The following SHISAL1 variants were observed in gnomAD, a reference collection of about 807,000 sequenced individuals.
The protein encoded by SHISAL1 is shisa like 1.
A neutral mutation model predicts 22.6 loss-of-function variants in SHISAL1; 9 were observed. The ratio of observed to expected loss-of-function variants is 0.40; its 90% CI spans 0.24 to 0.70. The LOEUF is 0.70. Ranked by LOEUF, SHISAL1 falls within the 30% of genes least tolerant of loss-of-function variation. The probability of loss-of-function intolerance (pLI) is 0.39; values close to 1 mark genes in which losing one functional copy is unlikely to be tolerated. For synonymous variants in SHISAL1, 119 were observed against 115.4 expected (o/e 1.03, Z -0.20); for missense variants, 246 against 270.6 (o/e 0.91, Z 0.64).
At chr22:44,273,835 G>T (rs2055220696) in intron 4 of SHISAL1, among the ~76,000 whole-genome samples, 1 of 152,136 alleles carries the variant, frequency 6.6e-6, no homozygotes, top group Non-Finnish European at 1.5e-5. Flanking sequence ...TCTTGGGGGT[G>T]CAGTAAAACA....
chr22:44,283,269 C>T (rs959792329), intron 4 of SHISAL1, among the ~76,000 whole-genome samples: 3 of 152,332 alleles, frequency 2.0e-5, no homozygotes, highest in East Asian at 1.9e-4. Context: ...GCACTCAGGA[C>T]GGTCAGGAAA....
intron 4 of SHISAL1, among the ~76,000 whole-genome samples, chr22:44,251,376 T>TA (rs1314458259): frequency 1.3e-5 from 2 of 152,158 alleles, no homozygotes; most frequent in Non-Finnish European, 2.9e-5. Context: ...GACCCCTTCT[T>TA]AAAAAAATTA....
chr22:44,281,263 G>A (rs1271291511), intron 4 of SHISAL1, among the ~76,000 whole-genome samples: 1 of 152,136 alleles, frequency 6.6e-6, no homozygotes, highest in African/African-American at 2.4e-5. Context: ...TATGTGCTGG[G>A]GCCCTGAGTC....
intron 4 of SHISAL1, among the ~76,000 whole-genome samples, chr22:44,250,804 T>G (rs1217356295): frequency 1.3e-5 from 2 of 152,244 alleles, no homozygotes; most frequent in Non-Finnish European, 2.9e-5. Context: ...CAGTTGAATT[T>G]CTTTTACTTG....
intron 4 of SHISAL1, among the ~76,000 whole-genome samples, chr22:44,282,462 G>A (rs1234123934): frequency 1.4e-5 from 2 of 141,536 alleles, no homozygotes; most frequent in South Asian, 2.2e-4. Flanking sequence ...GTCCCACTAA[G>A]CCTCCCCAGA....
intron 4 of SHISAL1, among the ~76,000 whole-genome samples, chr22:44,283,504 C>T (rs2055290546): frequency 6.6e-6 from 1 of 152,164 alleles, no homozygotes; most frequent in Non-Finnish European, 1.5e-5. Flanking sequence ...CAGGCAAAAA[C>T]GTTCTGGGCA....
Position 44,285,609 on chromosome 22 carries a change from G to A in SHISAL1, c.418C>T (p.Arg140Ter). 3 of 1,614,086 alleles carry A rather than the reference G, an allele frequency of 1.9e-6. No individual in the cohort carries two copies. The highest frequency in any genetic ancestry group is 2.5e-6 in the Non-Finnish European group (3 of 1,179,956). Residue 140 changes from arginine (R) to a stop codon, truncating the protein, a stop_gained, in exon 4 of 5, where the codon CGA (arginine) becomes TGA (stop). Transcript: ENST00000381176. LOFTEE classifies it high-confidence loss of function. ...VYLARWGIQGRWMKQDPRRWG... is the reference protein window; with the variant it reads ...VYLARWGIQG ...CGCCGGGGGTCCTGTTTCATCCATC[G>A]TCCTTGGATGCCCCACCGTGCCAGG... is the stretch of plus-strand genomic sequence containing the variant.
the SHISAL1 span, among the ~76,000 whole-genome samples, chr22:44,322,641 T>G: frequency 1.3e-5 from 2 of 152,160 alleles, no homozygotes; most frequent in Admixed American, 1.3e-4. Context: ...GCATGGGAAC[T>G]TGCCTATGCT....
chr22:44,274,507 C>A (rs2055226267), intron 4 of SHISAL1, among the ~76,000 whole-genome samples: 1 of 152,144 alleles, frequency 6.6e-6, no homozygotes, highest in Non-Finnish European at 1.5e-5. Context: ...GTCTCCTCCT[C>A]CTGCCCCCAG....
At chr22:44,318,069 GC>G in the SHISAL1 span, among the ~76,000 whole-genome samples, 1 of 152,212 alleles carries the variant, frequency 6.6e-6, no homozygotes, top group Non-Finnish European at 1.5e-5. Context: ...CAGGCTGGCT[GC>G]CCCCCGACCC....
At chr22:44,304,537 C>T (rs1013078521) in intron 1 of SHISAL1, among the ~76,000 whole-genome samples, 2 of 151,986 alleles carry the variant, frequency 1.3e-5, no homozygotes, top group African/African-American at 4.8e-5. Context: ...GGGCTGCCCC[C>T]ATCCACCCGC....
the SHISAL1 span, among the ~76,000 whole-genome samples, chr22:44,327,065 C>T: frequency 6.6e-6 from 1 of 152,152 alleles, no homozygotes; most frequent in African/African-American, 2.4e-5. Context: ...CCTCTCTGGG[C>T]CTCAGTGTCC....
At chr22:44,301,311 C>T (rs1282088237) in intron 1 of SHISAL1, among the ~76,000 whole-genome samples, 1 of 152,164 alleles carries the variant, frequency 6.6e-6, no homozygotes, top group Admixed American at 6.5e-5. Flanking sequence ...CCCGGGCTGG[C>T]CCGGCCACCT....
intron 4 of SHISAL1, among the ~76,000 whole-genome samples, chr22:44,256,542 TC>T (rs1487824500): frequency 2.0e-5 from 3 of 152,214 alleles, no homozygotes; most frequent in Non-Finnish European, 4.4e-5. Context: ...CAAGGCTGAA[TC>T]CCTGATCTCC....
chr22:44,261,377 G>C (rs1406082097), intron 4 of SHISAL1, among the ~76,000 whole-genome samples: 16 of 151,752 alleles, frequency 1.1e-4, no homozygotes, highest in African/African-American at 3.9e-4. Context: ...TCACTCACTG[G>C]GCGCCCCTTC....
At chr22:44,250,714 C>T (rs2055041477) in intron 4 of SHISAL1, among the ~76,000 whole-genome samples, 1 of 152,208 alleles carries the variant, frequency 6.6e-6, no homozygotes. Context: ...ATGAAAGACG[C>T]TCACTAACAC....
intron 4 of SHISAL1, among the ~76,000 whole-genome samples, chr22:44,282,198 G>A (rs2055281397): frequency 6.6e-6 from 1 of 152,228 alleles, no homozygotes; most frequent in African/African-American, 2.4e-5. Flanking sequence ...CTTGAGGCTG[G>A]GCCCAGCAGT....
At chr22:44,319,668 G>A in the SHISAL1 span, among the ~76,000 whole-genome samples, 10 of 152,330 alleles carry the variant, frequency 6.6e-5, no homozygotes, top group Admixed American at 3.3e-4. Context: ...TGCTCCCTTC[G>A]GGGACAATTC....
chr22:44,284,578 T>C (rs1361882435), intron 4 of SHISAL1, among the ~76,000 whole-genome samples: 1 of 152,148 alleles, frequency 6.6e-6, no homozygotes, highest in Non-Finnish European at 1.5e-5. Context: ...TGCCCATGGC[T>C]GCAGCTCAGC....
Sources: allele counts gnomAD v4.1 joint callset (sites outside exome capture counted in the v4.1 genomes callset), GRCh38; gene constraint gnomAD v4.1.1; transcripts MANE v1.5; gene names NCBI Gene and HGNC (gene_info 2026-07-23, HGNC 2026-07-21).